The following IL1RL2 variants were observed in gnomAD, a reference collection of about 807,000 sequenced individuals.
The protein encoded by IL1RL2 is interleukin-1 receptor-like 2.
In IL1RL2, 68 loss-of-function variants were observed where a neutral mutation model predicts 66.8. That is an observed-to-expected ratio of 1.02 (90% CI 0.84 to 1.25). The LOEUF (loss-of-function observed/expected upper bound fraction) is 1.25, where lower values mean the gene tolerates loss of function less well. Among genes scored for constraint, IL1RL2 ranks in the 50% most tolerant of loss-of-function variants. The pLI is 0.00. For synonymous variants in IL1RL2, 305 were observed against 264.6 expected (o/e 1.15, Z -1.48); for missense variants, 729 against 709.3 (o/e 1.03, Z -0.32).
At position 102,191,566 on chromosome 2, in the gene IL1RL2, C is replaced by G. The variant is rs188324215; in HGVS notation, c.294-359C>G. ...ACTGTAAGCAATTATTTTGTATTAC[C>G]TCCTTCATTGGGGTTTGTCAGGTAT... is the stretch of plus-strand genomic sequence containing the variant. On this transcript the variant is annotated intron_variant, in intron 3 of 11. Coordinates refer to ENST00000264257, the MANE Select transcript of IL1RL2 (RefSeq NM_003854.4). Among the ~76,000 whole-genome samples the G allele has an allele frequency of 1.1e-4, 16 of 152,268 alleles. No homozygotes were observed. In the East Asian group the frequency reaches 2.9e-3, roughly 28 times the overall value.
At chr2:102,239,091 C>A (rs777181594) in intron 11 of IL1RL2, 101 bp from the exon 12 acceptor site, 3 of 989,308 alleles carry the variant, frequency 3.0e-6, no homozygotes, top group South Asian at 1.3e-5. Context: ...GATGAACTGA[C>A]GGCAAGGTGG....
At chr2:102,205,109 G>A (rs1004071011) in intron 5 of IL1RL2, among the ~76,000 whole-genome samples, 8 of 151,812 alleles carry the variant, frequency 5.3e-5, no homozygotes, top group Admixed American at 5.3e-4. Context: ...AATATTGTTT[G>A]CATAAACAAA....
At chr2:102,195,629 C>CTTTCTTTCTT (rs1379287788) in intron 4 of IL1RL2, among the ~76,000 whole-genome samples, 24 of 17,334 alleles carry the variant, frequency 1.4e-3, no homozygotes, top group Admixed American at 2.0e-3. Context: ...TTCTTTCTTT[C>CTTTCTTTCTT]TCTCTCTCTC....
chr2:102,187,243 G>C (rs562822653), intron 1 of IL1RL2, 157 bp downstream of exon 1: 1 of 1,190,886 alleles, frequency 8.4e-7, no homozygotes, highest in Admixed American at 3.3e-5. Context: ...GACCATGGGG[G>C]AGCCGACTCC....
chr2:102,198,890 C>G (rs1688005143), intron 4 of IL1RL2, among the ~76,000 whole-genome samples: 1 of 152,160 alleles, frequency 6.6e-6, no homozygotes, highest in Non-Finnish European at 1.5e-5. Context: ...ATTTCTTTGT[C>G]CAACCGTCTA....
intron 9 of IL1RL2, among the ~76,000 whole-genome samples, chr2:102,227,930 CG>C (rs1690775065): frequency 6.6e-6 from 1 of 151,748 alleles, no homozygotes; most frequent in Non-Finnish European, 1.5e-5. Context: ...CTAGTGAGGT[CG>C]AGTTTAGCAG....
At chr2:102,203,395 T>C (rs1688438917) in intron 5 of IL1RL2, among the ~76,000 whole-genome samples, 1 of 151,946 alleles carries the variant, frequency 6.6e-6, no homozygotes, top group Non-Finnish European at 1.5e-5. Context: ...GGGTAATAAC[T>C]GGCCTCATAA....
chr2:102,221,578 A>G (rs1300684324), intron 8 of IL1RL2, among the ~76,000 whole-genome samples: 1 of 152,116 alleles, frequency 6.6e-6, no homozygotes, highest in Non-Finnish European at 1.5e-5. Flanking sequence ...CCCTCATGCC[A>G]ACACCCAATG....
intron 11 of IL1RL2, 49 bp downstream of exon 11, chr2:102,235,326 T>C: frequency 1.3e-6 from 2 of 1,575,404 alleles, no homozygotes; most frequent in Middle Eastern, 2.3e-4. Flanking sequence ...ATGGAGGGTC[T>C]ATCATTGCGT....
intron 2 of IL1RL2, among the ~76,000 whole-genome samples, chr2:102,188,306 C>T (rs921926271): frequency 1.3e-5 from 2 of 152,128 alleles, no homozygotes; most frequent in Non-Finnish European, 2.9e-5. Context: ...TTGGTATGGC[C>T]GGGCGCAGTG....
In IL1RL2 at chr2:102,197,837, G is replaced by A. The variant is rs947023530; in HGVS notation, c.490-3719G>A. Among the ~76,000 whole-genome samples the A allele has an allele frequency of 2.0e-5, 3 of 152,106 alleles. No individual in the cohort carries two copies. In the South Asian group the frequency reaches 6.2e-4, roughly 32 times the overall value. On this transcript the variant is annotated intron_variant, in intron 4 of 11. Coordinates refer to ENST00000264257, the MANE Select transcript of IL1RL2 (RefSeq NM_003854.4). ...CTTGACACACTGGAGTTGCATAAGC[G>A]GCAACTCCTGGTCTCTGAATTGCAG...
In IL1RL2 at chr2:102,226,591, C is replaced by A. The variant is rs919458921; in HGVS notation, c.1135+550C>A. On this transcript the variant is annotated intron_variant, in intron 9 of 11. Transcript: ENST00000264257. ...TATGTAAACTTAGAAAGATGTTTAA[C>A]TTTCTTCTATTTCTCAGCTATAGAA... is the stretch of plus-strand genomic sequence containing the variant. Among the ~76,000 whole-genome samples, 2 of 151,756 alleles carry A rather than the reference C, an allele frequency of 1.3e-5. 1 individual carries two copies. Among genetic ancestry groups the A allele is most frequent in the Non-Finnish European group, 2.9e-5 (2 of 67,976 alleles).
chr2:102,218,981 A>T lies in IL1RL2; in HGVS notation c.753A>T (p.Val251=). 6.2e-7 allele frequency: 1 copy of T among 1,613,612 alleles called. No individual in the cohort carries two copies. Among genetic ancestry groups the T allele is most frequent in the South Asian group, 1.1e-5 (1 of 91,074 alleles). Residue 251 remains valine, a synonymous_variant, in exon 7 of 12, where the codon GTA becomes GTT. Coordinates refer to ENST00000264257, the MANE Select transcript of IL1RL2 (RefSeq NM_003854.4). ...CCACTCTGATTGTGGACTGCAATGT[A>T]ACAGACACCAAGGATAATACAAATC... is the stretch of plus-strand genomic sequence containing the variant. ...LGTTLIVDCN[V]TDTKDNTNLR... is the part of the protein sequence containing the mutation.
intron 5 of IL1RL2, among the ~76,000 whole-genome samples, chr2:102,209,626 A>G (rs1345082179): frequency 3.3e-5 from 5 of 152,208 alleles, no homozygotes; most frequent in Non-Finnish European, 7.3e-5. Context: ...GGCAAGGTCC[A>G]GGGGACTGTT....
At chr2:102,198,494 C>T (rs1347602704) in intron 4 of IL1RL2, among the ~76,000 whole-genome samples, 6 of 152,148 alleles carry the variant, frequency 3.9e-5, no homozygotes, top group East Asian at 1.9e-4. Flanking sequence ...TCACTGTGCT[C>T]AATCTGAACT....
At chr2:102,200,142 G>C (rs1688133685) in intron 4 of IL1RL2, among the ~76,000 whole-genome samples, 1 of 140,422 alleles carries the variant, frequency 7.1e-6, no homozygotes. Flanking sequence ...AAAAAAAAGT[G>C]CTTGTCTGTA....
chr2:102,220,788 C>A (rs980695124), intron 8 of IL1RL2, among the ~76,000 whole-genome samples: 2 of 152,164 alleles, frequency 1.3e-5, no homozygotes, highest in African/African-American at 4.8e-5. Context: ...TAAACCTATG[C>A]TTGCATACAT....
At chr2:102,197,671 C>G (rs1687902989) in intron 4 of IL1RL2, among the ~76,000 whole-genome samples, 1 of 152,210 alleles carries the variant, frequency 6.6e-6, no homozygotes, top group East Asian at 1.9e-4. Flanking sequence ...GATGGAGGAT[C>G]TTCCTGCTCT....
At chr2:102,236,702 A>T (rs573948075) in intron 11 of IL1RL2, among the ~76,000 whole-genome samples, 1 of 152,238 alleles carries the variant, frequency 6.6e-6, no homozygotes, top group African/African-American at 2.4e-5. Context: ...CTCAAGCTGA[A>T]ATTCTGTGCC....
Sources: allele counts gnomAD v4.1 joint callset (sites outside exome capture counted in the v4.1 genomes callset), GRCh38; gene constraint gnomAD v4.1.1; transcripts MANE v1.5; gene names NCBI Gene and HGNC (gene_info 2026-07-23, HGNC 2026-07-21).